Variants in TTC6 observed in about 807,000 individuals in gnomAD.
TTC6 encodes the protein tetratricopeptide repeat domain 6, also known as tetratricopeptide repeat protein 6.
Under a neutral mutation model 210.4 loss-of-function variants are expected in TTC6, and 172 were observed. The observed-to-expected ratio is 0.82, with a 90% confidence interval of 0.72 to 0.93. TTC6 has a LOEUF of 0.93. Ranked by LOEUF, TTC6 falls within the 40% of genes least tolerant of loss-of-function variation. The probability of loss-of-function intolerance (pLI) is 0.00; values close to 1 mark genes in which losing one functional copy is unlikely to be tolerated. For synonymous variants in TTC6, 804 were observed against 819.6 expected (o/e 0.98, Z 0.32); for missense variants, 2,414 against 2,318.1 (o/e 1.04, Z -0.85).
At chr14:37,638,348 G>A (rs909662154) in intron 1 of TTC6, among the ~76,000 whole-genome samples, 1 of 152,022 alleles carries the variant, frequency 6.6e-6, no homozygotes, top group Non-Finnish European at 1.5e-5. Flanking sequence ...TCTGCCTCCT[G>A]GGTTCACGAG....
At chr14:37,715,630 A>C (rs764795806) in intron 6 of TTC6, among the ~76,000 whole-genome samples, 2 of 152,198 alleles carry the variant, frequency 1.3e-5, no homozygotes, top group Non-Finnish European at 2.9e-5. Context: ...GTAGGGGAAA[A>C]ACAAGTTGAA....
At chr14:37,728,937 T>G (rs2095879179) in intron 7 of TTC6, among the ~76,000 whole-genome samples, 1 of 152,204 alleles carries the variant, frequency 6.6e-6, no homozygotes, top group Non-Finnish European at 1.5e-5. Context: ...AGTTGGCCAT[T>G]GTTAAATGCA....
chr14:37,596,479 C>G (rs958422347), intron 1 of TTC6, among the ~76,000 whole-genome samples: 1 of 152,200 alleles, frequency 6.6e-6, no homozygotes, highest in Non-Finnish European at 1.5e-5. Context: ...GTCTTCCCAA[C>G]GCAAAGTCTC....
chr14:37,664,352 C>T (rs376187614), intron 1 of TTC6, among the ~76,000 whole-genome samples: 1 of 150,410 alleles, frequency 6.6e-6, no homozygotes, highest in Non-Finnish European at 1.5e-5. Context: ...AGACGTCGCA[C>T]CTACAACCAT....
intron 5 of TTC6, among the ~76,000 whole-genome samples, chr14:37,704,395 A>G (rs924809021): frequency 1.3e-5 from 2 of 152,090 alleles, no homozygotes; most frequent in East Asian, 1.9e-4. Flanking sequence ...GACACTATTT[A>G]TGCCAATTTA....
In TTC6 at chr14:37,828,787, C is replaced by T. The variant is rs75936541; in HGVS notation, c.5298+1421C>T. Among the ~76,000 whole-genome samples the T allele has an allele frequency of 6.3e-3, 953 of 151,890 alleles. 12 individuals are homozygous for T. The highest frequency in any genetic ancestry group is 0.022 in the African/African-American group (925 of 41,386). ...CTACTATCAGGATGTGGATTTAAGTCTACATTTAGGAAGTCTATGTTATTA... is the reference window on the plus strand; with the variant it reads ...CTACTATCAGGATGTGGATTTAAGTTTACATTTAGGAAGTCTATGTTATTA... On this transcript the variant is annotated intron_variant, in intron 29 of 30. Coordinates refer to ENST00000553443, the Ensembl canonical transcript of TTC6.
intron 14 of TTC6, among the ~76,000 whole-genome samples, chr14:37,772,941 T>C (rs2096025072): frequency 6.6e-6 from 1 of 152,190 alleles, no homozygotes; most frequent in South Asian, 2.1e-4. Flanking sequence ...ATAATAGCCA[T>C]TCTGACTGGT....
intron 1 of TTC6, among the ~76,000 whole-genome samples, chr14:37,662,364 T>C (rs1438875251): frequency 2.6e-5 from 4 of 152,146 alleles, no homozygotes; most frequent in Non-Finnish European, 5.9e-5. Flanking sequence ...AACATGAAGA[T>C]ATGTTGACTT....
chr14:37,756,063 C>T (rs2095966670), intron 14 of TTC6, among the ~76,000 whole-genome samples: 1 of 152,148 alleles, frequency 6.6e-6, no homozygotes, highest in South Asian at 2.1e-4. Context: ...AGAGGTCCTT[C>T]ATGTCCCTTG....
chr14:37,827,758 G>A (rs1046372507), intron 29 of TTC6: 1 of 154,730 alleles, frequency 6.5e-6, no homozygotes, highest in African/African-American at 2.4e-5. Context: ...AGCACCAAAA[G>A]TTTTCTCATG....
chr14:37,818,264 A>G (rs1210840568), intron 26 of TTC6, among the ~76,000 whole-genome samples: 1 of 152,162 alleles, frequency 6.6e-6, no homozygotes, highest in Non-Finnish European at 1.5e-5. Context: ...TATAGAAGAT[A>G]ATCAGCTTAA....
At chr14:37,757,023 C>A (rs1008919775) in intron 14 of TTC6, among the ~76,000 whole-genome samples, 15 of 152,088 alleles carry the variant, frequency 9.9e-5, no homozygotes, top group Non-Finnish European at 2.2e-4. Flanking sequence ...GCCTGAATTT[C>A]AGAACTTGTT....
chr14:37,767,490 T>C (rs1202077525), intron 14 of TTC6, among the ~76,000 whole-genome samples: 1 of 152,222 alleles, frequency 6.6e-6, no homozygotes, highest in Non-Finnish European at 1.5e-5. Context: ...ATGATTGCCA[T>C]TCTAACTGGT....
At chr14:37,842,337 C>G (rs756801636) in exon 31 of TTC6, 1 of 1,432,264 alleles carries the variant, frequency 7.0e-7, no homozygotes. Context: ...GCTGTTCTCT[C>G]TGAAACGGAA....
At chr14:37,640,427 T>A (rs2095689675) in intron 1 of TTC6, among the ~76,000 whole-genome samples, 1 of 152,194 alleles carries the variant, frequency 6.6e-6, no homozygotes, top group Non-Finnish European at 1.5e-5. Flanking sequence ...TTCTGGCTAT[T>A]TCAGGTACAA....
intron 1 of TTC6, among the ~76,000 whole-genome samples, chr14:37,653,692 A>T (rs1318741341): frequency 6.6e-6 from 1 of 152,002 alleles, no homozygotes; most frequent in Non-Finnish European, 1.5e-5. Context: ...AATCTTTCTG[A>T]GGTCTTATGA....
chr14:37,683,549 A>C, intron 3 of TTC6, among the ~76,000 whole-genome samples: 1 of 152,156 alleles, frequency 6.6e-6, no homozygotes, highest in East Asian at 1.9e-4. Context: ...ATAGGACAAT[A>C]AGATATTTAG....
At position 37,727,429 on chromosome 14, in the gene TTC6, G is replaced by C. The variant is rs934800444; in HGVS notation, c.1818+2427G>C. Reference sequence around the variant, plus strand: ...CTGCCTCAGCCTCCCGAGTAGCCGGGACTACAGGCGCACACCACCATGCCT... The same window carrying C: ...CTGCCTCAGCCTCCCGAGTAGCCGGCACTACAGGCGCACACCACCATGCCT... On this transcript the variant is annotated intron_variant, in intron 7 of 30. Transcript: ENST00000553443. Among the ~76,000 whole-genome samples, 5 of 151,306 alleles carry C rather than the reference G, an allele frequency of 3.3e-5. No homozygotes were observed. The East Asian group carries it at 9.7e-4, about 29-fold the overall frequency.
chr14:37,663,624 T>A (rs2095741899), intron 1 of TTC6, among the ~76,000 whole-genome samples: 1 of 152,136 alleles, frequency 6.6e-6, no homozygotes, highest in Non-Finnish European at 1.5e-5. Context: ...ACAAAGATTT[T>A]GAGAAAATAT....
Sources: gnomAD v4.1 joint callset for allele counts (sites outside exome capture counted in the v4.1 genomes callset) on GRCh38, gnomAD v4.1.1 for gene constraint, MANE v1.5 for transcripts, NCBI Gene and HGNC (gene_info 2026-07-23, HGNC 2026-07-21) for gene names.